Variants in XYLT1 observed in about 807,000 individuals in gnomAD.
XYLT1 encodes the protein beta-D-xylosyltransferase 1.
A neutral mutation model predicts 91.3 loss-of-function variants in XYLT1; 36 were observed. The observed-to-expected ratio is 0.39, with a 90% CI of 0.30 to 0.52. The LOEUF (loss-of-function observed/expected upper bound fraction) is 0.52, where lower values mean the gene tolerates loss of function less well. Among genes scored for constraint, XYLT1 ranks in the 20% least tolerant of loss-of-function variants. The probability of loss-of-function intolerance (pLI) is 0.68; values close to 1 mark genes in which losing one functional copy is unlikely to be tolerated. For synonymous variants in XYLT1, 588 were observed against 532.0 expected, an observed-to-expected ratio of 1.11 and a Z score of -1.45; for missense variants, 1,242 against 1,284.5, an observed-to-expected ratio of 0.97 and a Z score of 0.51.
chr16:17,360,070 T>A (rs566940608), intron 1 of XYLT1, among the ~76,000 whole-genome samples: 1 of 152,274 alleles, frequency 6.6e-6, no homozygotes, highest in Non-Finnish European at 1.5e-5. Context: ...TCCATTCAGA[T>A]CTTACCACCT....
intron 2 of XYLT1, among the ~76,000 whole-genome samples, chr16:17,271,273 A>G (rs1018644217): frequency 2.6e-5 from 4 of 152,124 alleles, no homozygotes; most frequent in Non-Finnish European, 2.9e-5. Context: ...TTCCACAGTT[A>G]TGGCCACAAT....
intron 3 of XYLT1, among the ~76,000 whole-genome samples, chr16:17,247,174 C>A (rs2033449597): frequency 6.6e-6 from 1 of 151,870 alleles, no homozygotes. Flanking sequence ...CACTCATTCA[C>A]TCATTCATTC....
intron 2 of XYLT1, among the ~76,000 whole-genome samples, chr16:17,323,691 CTTGCTCCTGTTCACTGGCAACAGGA>C (rs1266212929): frequency 6.6e-6 from 1 of 152,154 alleles, no homozygotes. Context: ...CTTACTGCCA[CTTGCTCCTGTTCACTGGCAACAGGA>C]CATCACCAGT....
At chr16:17,136,671 C>T (rs945293549) in intron 8 of XYLT1, among the ~76,000 whole-genome samples, 2 of 152,004 alleles carry the variant, frequency 1.3e-5, no homozygotes, top group African/African-American at 4.8e-5. Flanking sequence ...ATAGCTGGAT[C>T]TTCTAACAAA....
intron 2 of XYLT1, among the ~76,000 whole-genome samples, chr16:17,324,250 C>T (rs1232139909): frequency 1.3e-5 from 2 of 152,138 alleles, no homozygotes; most frequent in African/African-American, 4.8e-5. Context: ...AATGGTAACG[C>T]TAGAGACAGG....
intron 2 of XYLT1, among the ~76,000 whole-genome samples, chr16:17,334,651 G>A (rs1413812048): frequency 1.3e-5 from 2 of 152,214 alleles, no homozygotes; most frequent in Non-Finnish European, 2.9e-5. Flanking sequence ...AGCAAGGACA[G>A]TGAGAAGTAC....
At chr16:17,462,848 G>C (rs796086217) in intron 1 of XYLT1, among the ~76,000 whole-genome samples, 60 of 152,264 alleles carry the variant, frequency 3.9e-4, no homozygotes, top group African/African-American at 1.4e-3. Flanking sequence ...ATAGTACACA[G>C]CTTGAAGGAT....
chr16:17,236,068 T>C (rs1034916297), intron 3 of XYLT1, among the ~76,000 whole-genome samples: 2 of 152,184 alleles, frequency 1.3e-5, no homozygotes, highest in African/African-American at 4.8e-5. Context: ...GGTTTCACCA[T>C]ATTGGTCAGG....
At chr16:17,328,449 TGAGGCA>T (rs1175083664) in intron 2 of XYLT1, among the ~76,000 whole-genome samples, 2 of 145,380 alleles carry the variant, frequency 1.4e-5, no homozygotes, top group Non-Finnish European at 3.0e-5. Flanking sequence ...CTCGGGAGGC[TGAGGCA>T]GAAGAATCGC....
At chr16:17,449,663 T>C (rs747931212) in intron 1 of XYLT1, among the ~76,000 whole-genome samples, 2 of 152,206 alleles carry the variant, frequency 1.3e-5, no homozygotes, top group Non-Finnish European at 2.9e-5. Context: ...GCCTAACATG[T>C]AGTATGTGCT....
chr16:17,309,070 C>A (rs186908898), intron 2 of XYLT1, among the ~76,000 whole-genome samples: 2 of 152,150 alleles, frequency 1.3e-5, no homozygotes, highest in Non-Finnish European at 1.5e-5. Flanking sequence ...GAAAGATATG[C>A]GCCTAATGCA....
At chr16:17,408,424 G>A (rs928623414) in intron 1 of XYLT1, among the ~76,000 whole-genome samples, 6 of 152,152 alleles carry the variant, frequency 3.9e-5, no homozygotes, top group Non-Finnish European at 8.8e-5. Flanking sequence ...TTTTGTGCTT[G>A]GATACTTAAC....
chr16:17,335,932 G>T (rs886390932), intron 2 of XYLT1, among the ~76,000 whole-genome samples: 2 of 152,190 alleles, frequency 1.3e-5, no homozygotes, highest in Admixed American at 1.3e-4. Context: ...TTTCTATAAA[G>T]TCTGTGGAGT....
intron 2 of XYLT1, among the ~76,000 whole-genome samples, chr16:17,274,532 G>C (rs1466354970): frequency 1.3e-5 from 2 of 152,108 alleles, no homozygotes; most frequent in Non-Finnish European, 2.9e-5. Context: ...AGAAAAGAGA[G>C]GAAAGTAAGT....
chr16:17,388,448 A>G (rs1340388130), intron 1 of XYLT1, among the ~76,000 whole-genome samples: 1 of 152,184 alleles, frequency 6.6e-6, no homozygotes. Context: ...GAACTAGTTA[A>G]GGGAACAAGC....
At chr16:17,416,042 G>A (rs1198762873) in intron 1 of XYLT1, among the ~76,000 whole-genome samples, 2 of 152,222 alleles carry the variant, frequency 1.3e-5, no homozygotes, top group Non-Finnish European at 2.9e-5. Context: ...GCAATGAGAG[G>A]AGAGCAGAGG....
chr16:17,168,223 A>G (rs2031744237), intron 5 of XYLT1, among the ~76,000 whole-genome samples: 1 of 152,256 alleles, frequency 6.6e-6, no homozygotes. Flanking sequence ...TGGATAAGGA[A>G]GATGCGGTAC....
At chr16:17,411,488 G>A (rs2036107341) in intron 1 of XYLT1, among the ~76,000 whole-genome samples, 3 of 152,054 alleles carry the variant, frequency 2.0e-5, no homozygotes, top group Admixed American at 6.5e-5. Context: ...TTGCTTAGAC[G>A]GTATTCTCTG....
intron 10 of XYLT1, among the ~76,000 whole-genome samples, chr16:17,127,369 T>C (rs1211393452): frequency 6.6e-6 from 1 of 152,146 alleles, no homozygotes; most frequent in Non-Finnish European, 1.5e-5. Context: ...TTCGGTAAAA[T>C]GGGACTAATA....
Sources: allele counts gnomAD v4.1 joint callset (sites outside exome capture counted in the v4.1 genomes callset), GRCh38; gene constraint gnomAD v4.1.1; transcripts MANE v1.5; gene names NCBI Gene and HGNC (gene_info 2026-07-23, HGNC 2026-07-21).